Variants in PCYT1B observed in about 807,000 individuals in gnomAD.
PCYT1B encodes choline-phosphate cytidylyltransferase B.
Under a neutral mutation model 26.4 loss-of-function variants are expected in PCYT1B, and 10 were observed. The ratio of observed to expected loss-of-function variants is 0.38; its 90% CI spans 0.23 to 0.64. PCYT1B has a LOEUF of 0.64. Ranked by LOEUF, PCYT1B falls within the 30% of genes least tolerant of loss-of-function variation. The pLI, the probability that PCYT1B is intolerant of heterozygous loss-of-function variation, is 0.56. For synonymous variants in PCYT1B, 131 were observed against 108.4 expected, an observed-to-expected ratio of 1.21 and a Z score of -1.29; for missense variants, 161 against 292.7, an observed-to-expected ratio of 0.55 and a Z score of 3.28.
intron 2 of PCYT1B, among the ~76,000 whole-genome samples, chrX:24,613,339 T>G (rs974695108): frequency 8.9e-6 from 1 of 112,139 alleles, no homozygotes; most frequent in African/African-American, 3.2e-5. Context: ...TTTATATAAT[T>G]TATGTAGTTT....
At chrX:24,611,468 T>C (rs575914296) in intron 2 of PCYT1B, among the ~76,000 whole-genome samples, 18 of 111,088 alleles carry the variant, frequency 1.6e-4, no homozygotes, top group Middle Eastern at 4.6e-3. Flanking sequence ...CAGGAGCCAA[T>C]TGAAAACAAA....
intron 3 of PCYT1B, among the ~76,000 whole-genome samples, chrX:24,595,605 C>A (rs758305013): frequency 2.7e-5 from 3 of 111,378 alleles, no homozygotes; most frequent in Non-Finnish European, 5.7e-5. Context: ...CTAGGCCAGG[C>A]GCAGTGGCTC....
chrX:24,617,789 C>T (rs185922045), intron 2 of PCYT1B, among the ~76,000 whole-genome samples: 9 of 111,425 alleles, frequency 8.1e-5, no homozygotes, highest in Admixed American at 1.9e-4. Flanking sequence ...ACCTGTTCAA[C>T]TAGTCTTATT....
intron 1 of PCYT1B, among the ~76,000 whole-genome samples, chrX:24,668,241 A>G (rs1374178265): frequency 8.9e-6 from 1 of 111,752 alleles, no homozygotes; most frequent in Non-Finnish European, 1.9e-5. Flanking sequence ...CCCTGTTCTC[A>G]CTTCTGAAGG....
At chrX:24,606,053 C>CAAAAA (rs35072094) in intron 3 of PCYT1B, among the ~76,000 whole-genome samples, 11 of 52,355 alleles carry the variant, frequency 2.1e-4, no homozygotes, top group African/African-American at 3.5e-4. Flanking sequence ...GACTCCATCT[C>CAAAAA]AAAAAAAAAA....
intron 1 of PCYT1B, among the ~76,000 whole-genome samples, chrX:24,629,577 A>AAAAAC (rs1569252068): frequency 2.0e-5 from 2 of 99,770 alleles, no homozygotes; most frequent in Non-Finnish European, 4.1e-5. Context: ...AAAAAAAAAA[A>AAAAAC]AAAAAAAAAA....
upstream of PCYT1B, among the ~76,000 whole-genome samples, chrX:24,648,445 A>G (rs1443631313): frequency 3.1e-5 from 2 of 64,903 alleles, no homozygotes; most frequent in Non-Finnish European, 5.2e-5. Flanking sequence ...TGGGATTTGA[A>G]GGAATTTTTT....
At chrX:24,587,161 G>T in intron 5 of PCYT1B, 80 bp downstream of exon 5, 1 of 690,638 alleles carries the variant, frequency 1.4e-6, no homozygotes, top group Non-Finnish European at 2.3e-6. Flanking sequence ...CACTGCAGAT[G>T]TCCCAGGGCA....
intron 2 of PCYT1B, among the ~76,000 whole-genome samples, chrX:24,611,737 C>T (rs1228085496): frequency 2.7e-5 from 3 of 110,667 alleles, no homozygotes; most frequent in Non-Finnish European, 3.8e-5. Context: ...TTTGGGAGGC[C>T]GAGGTGGGTG....
intron 7 of PCYT1B, among the ~76,000 whole-genome samples, chrX:24,565,532 A>T (rs1256125885): frequency 9.1e-6 from 1 of 110,016 alleles, no homozygotes; most frequent in African/African-American, 3.3e-5. Context: ...CTAAGTAAGG[A>T]GTACTAAGTC....
intron 1 of PCYT1B, among the ~76,000 whole-genome samples, chrX:24,669,185 C>T (rs754678012): frequency 9.0e-6 from 1 of 111,665 alleles, no homozygotes; most frequent in South Asian, 3.8e-4. Flanking sequence ...TCTGCGTTGT[C>T]CAAATAGAAT....
intron 3 of PCYT1B, among the ~76,000 whole-genome samples, chrX:24,597,581 C>T (rs1569243825): frequency 8.9e-6 from 1 of 112,250 alleles, no homozygotes; most frequent in East Asian, 2.8e-4. Context: ...AGGCACCACC[C>T]AAACCTTAAT....
chrX:24,564,225 C>A (rs1000367498), intron 7 of PCYT1B, among the ~76,000 whole-genome samples: 3 of 110,304 alleles, frequency 2.7e-5, no homozygotes, highest in African/African-American at 9.9e-5. Context: ...GAGCCTGGCC[C>A]GGCCCGGGAT....
At chrX:24,620,046 T>A in intron 1 of PCYT1B, among the ~76,000 whole-genome samples, 1 of 112,753 alleles carries the variant, frequency 8.9e-6, no homozygotes, top group Non-Finnish European at 1.9e-5. Context: ...CTAAAGTGGA[T>A]CAGTCATGGT....
At chrX:24,647,392 G>A, upstream of PCYT1B, 1 of 454,725 alleles carries the variant, frequency 2.2e-6, no homozygotes, top group Non-Finnish European at 2.7e-6. Flanking sequence ...CATAGAGCGC[G>A]CTGGTTGGCT....
chrX:24,611,277 G>T (rs1256032158), intron 2 of PCYT1B, among the ~76,000 whole-genome samples: 1 of 110,690 alleles, frequency 9.0e-6, no homozygotes, highest in African/African-American at 3.3e-5. Flanking sequence ...CTATAATAAA[G>T]CTTTAAAAAA....
chrX:24,624,974 C>T (rs984722142), intron 1 of PCYT1B, among the ~76,000 whole-genome samples: 1 of 112,499 alleles, frequency 8.9e-6, no homozygotes, highest in East Asian at 2.8e-4. Flanking sequence ...TGGTTAATAC[C>T]GTGTCTATAA....
At chrX:24,580,846 C>T (rs1239908519) in intron 5 of PCYT1B, among the ~76,000 whole-genome samples, 3 of 111,229 alleles carry the variant, frequency 2.7e-5, no homozygotes, top group South Asian at 3.9e-4. Context: ...GGTTTGTAGA[C>T]GTGGGCAAGT....
At chrX:24,632,307 C>A in intron 1 of PCYT1B, 1 of 135,666 alleles carries the variant, frequency 7.4e-6, no homozygotes, top group Admixed American at 7.1e-5. Context: ...GTGGTGTGAC[C>A]AAGAGCCAGA....
Sources: gnomAD v4.1 joint callset for allele counts (sites outside exome capture counted in the v4.1 genomes callset) on GRCh38, gnomAD v4.1.1 for gene constraint, MANE v1.5 for transcripts, NCBI Gene and HGNC (gene_info 2026-07-23, HGNC 2026-07-21) for gene names.